The following FOXL1 variants were observed in gnomAD, a reference collection of about 807,000 sequenced individuals.
The protein encoded by FOXL1 is forkhead box L1, also known as forkhead box protein L1.
Under a neutral mutation model 1.7 loss-of-function variants are expected in FOXL1, and 2 were observed. That is an observed-to-expected ratio of 1.21 (90% CI 0.49 to 3.80). The LOEUF (loss-of-function observed/expected upper bound fraction) is 3.80, where lower values mean the gene tolerates loss of function less well. FOXL1 is among the 30% of genes most tolerant of loss of function. FOXL1 has a pLI of 0.07. For synonymous variants in FOXL1, 280 were observed against 229.3 expected, an observed-to-expected ratio of 1.22 and a Z score of -2.00; for missense variants, 565 against 495.8, an observed-to-expected ratio of 1.14 and a Z score of -1.32.
chr16:86,578,922 G>A lies in FOXL1; in HGVS notation c.199G>A (p.Glu67Lys), dbSNP rs754730388. Residue 67 changes from glutamate (E) to lysine (K), a missense_variant, in exon 1 of 1, where the codon GAG becomes AAG. Coordinates refer to ENST00000320241, the MANE Select transcript of FOXL1 (RefSeq NM_005250.3). ...CGCCATGGCGATCCAGGACGCGCCCGAGCAGAGGGTCACGCTCAACGGCAT... is the reference window on the plus strand; with the variant it reads ...CGCCATGGCGATCCAGGACGCGCCCAAGCAGAGGGTCACGCTCAACGGCAT... The part of the protein sequence containing the change: ...LIAMAIQDAP[E>K]QRVTLNGIYQ... 1.2e-6 allele frequency: 2 copies of A among 1,614,178 alleles called. No individual in the cohort carries two copies. The highest frequency in any genetic ancestry group is 1.7e-6 in the Non-Finnish European group (2 of 1,180,002).
At position 86,578,873 on chromosome 16, in the gene FOXL1, T is replaced by A. The variant is rs1350765267; in HGVS notation, c.150T>A (p.Pro50=). The part of the protein sequence containing the change: ...ASGRAETPQK[P]PYSYIALIAM... ...GCCGGGCCGAGACCCCGCAGAAGCC[T>A]CCCTACAGCTACATCGCGCTCATCG... The change falls in exon 1 of 1, where the codon CCT becomes CCA. Residue 50 remains proline (P), a synonymous_variant. Coordinates refer to ENST00000320241, the MANE Select transcript of FOXL1 (RefSeq NM_005250.3). 2 of 1,613,832 alleles carry A rather than the reference T, an allele frequency of 1.2e-6. No individual in the cohort carries two copies. The highest frequency in any genetic ancestry group is 2.2e-5 in the East Asian group (1 of 44,870).
At position 86,578,745 on chromosome 16, in the gene FOXL1, C is replaced by CGGCT. The variant is rs1974370494; in HGVS notation, c.24_27dup (p.Pro10AlafsTer126). On this transcript the variant is annotated frameshift_variant, in exon 1 of 1. Coordinates refer to ENST00000320241, the MANE Select transcript of FOXL1 (RefSeq NM_005250.3). LOFTEE classifies it low-confidence loss of function (END_TRUNC). ...TGCCATGAGTCACCTCTTCGATCCC[C>CGGCT]GGCTGCCTGCCCTGGCCGCCTCGCC... 1 of 1,605,968 alleles carries CGGCT rather than the reference C, an allele frequency of 6.2e-7. No homozygotes were observed. Among genetic ancestry groups the CGGCT allele is most frequent in the Admixed American group, 1.7e-5 (1 of 59,832 alleles).
rs750770411 is a variant in FOXL1, at chr16:86,583,453, A to C, written c.*3692A>C. On this transcript the variant is annotated 3_prime_UTR_variant, in exon 1 of 1. Transcript: ENST00000320241. ...TAAAAAGCAAAGTTTGTCCATTAAA[A>C]ATAAAAAGCGTGAGTTTGTGGAAAA... 7.9e-5 allele frequency among the ~76,000 whole-genome samples: 12 copies of C among 152,256 alleles called. No individual in the cohort carries two copies. Among genetic ancestry groups the C allele is most frequent in the Non-Finnish European group, 1.6e-4 (11 of 68,040 alleles).
chr16:86,583,153 T>C lies in FOXL1; in HGVS notation c.*3392T>C, dbSNP rs1208378845. Among the ~76,000 whole-genome samples the C allele has an allele frequency of 1.3e-5, 2 of 151,816 alleles. No homozygotes were observed. Among genetic ancestry groups the C allele is most frequent in the Non-Finnish European group, 2.9e-5 (2 of 67,994 alleles). On this transcript the variant is annotated 3_prime_UTR_variant, in exon 1 of 1. Coordinates refer to ENST00000320241, the MANE Select transcript of FOXL1 (RefSeq NM_005250.3). ...CCCGTTTGAATGGTGGTCTTCACCA[T>C]TTCACTCAAAGTGGTGAGTGTATGC...
At position 86,580,112 on chromosome 16, in the gene FOXL1, G is replaced by A. The variant is rs1037385357; in HGVS notation, c.*351G>A. On this transcript the variant is annotated 3_prime_UTR_variant, in exon 1 of 1. Transcript: ENST00000320241. Reference sequence around the variant, plus strand: ...CCACCGCAGGTCCTGCGAGTCCCGGGCATGCAAGGGCCCGCAGACCACCCA... The same window carrying A: ...CCACCGCAGGTCCTGCGAGTCCCGGACATGCAAGGGCCCGCAGACCACCCA... 1.0e-4 allele frequency: 28 copies of A among 269,296 alleles called. No homozygotes were observed. Among genetic ancestry groups the A allele is most frequent in the African/African-American group, 5.9e-4 (27 of 46,152 alleles). 16.7% of individuals were successfully genotyped at this position (269,296 alleles called of 1,614,324 possible).
rs56324750 is a variant in FOXL1, at chr16:86,579,818, G to A, written c.*57G>A. On this transcript the variant is annotated 3_prime_UTR_variant, in exon 1 of 1. Coordinates refer to ENST00000320241, the MANE Select transcript of FOXL1 (RefSeq NM_005250.3). ...CAGCCTGAGCCTCCGCTGAGCGAAA[G>A]GCCACAGCTCCCACCGGCGGAGGAT... 2.7e-6 allele frequency: 4 copies of A among 1,468,380 alleles called. No individual in the cohort carries two copies. Among genetic ancestry groups the A allele is most frequent in the Non-Finnish European group, 2.8e-6 (3 of 1,058,306 alleles). 91.0% of individuals were successfully genotyped at this position (1,468,380 alleles called of 1,614,324 possible). A position where few individuals can be genotyped will look rare whatever the true frequency, so the allele number is the denominator to read the frequency against.
At position 86,579,974 on chromosome 16, in the gene FOXL1, A is replaced by C. The variant is rs755702199; in HGVS notation, c.*213A>C. ...CCAGCAACTGGGAGCAGCTACGGAG[A>C]CTTAAAAGATCCCCGCGGGGTCGTG... On this transcript the variant is annotated 3_prime_UTR_variant, in exon 1 of 1. Transcript: ENST00000320241. 36 of 608,736 alleles carry C rather than the reference A, an allele frequency of 5.9e-5. No homozygotes were observed. The highest frequency in any genetic ancestry group is 8.9e-5 in the Non-Finnish European group (30 of 335,550). 37.7% of individuals were successfully genotyped at this position (608,736 alleles called of 1,614,324 possible).
Position 86,582,940 on chromosome 16 carries a change from A to G in FOXL1, c.*3179A>G, listed in dbSNP as rs1440210797. The stretch of plus-strand genomic sequence containing the variant: ...AGATTTTATTTAAACATCGCGGAAG[A>G]CACCCGCTTTGAGAACTTTTCCCTC... On this transcript the variant is annotated 3_prime_UTR_variant, in exon 1 of 1. Coordinates refer to ENST00000320241, the MANE Select transcript of FOXL1 (RefSeq NM_005250.3). 5.3e-5 allele frequency among the ~76,000 whole-genome samples: 8 copies of G among 151,158 alleles called. No homozygotes were observed. In the East Asian group the frequency reaches 1.4e-3, roughly 26 times the overall value.
rs749442906 is a variant in FOXL1 at position 86,579,530 on chromosome 16, A to G, written c.807A>G (p.Gly269=). The G allele has an allele frequency of 1.9e-6, 3 of 1,608,134 alleles. No homozygotes were observed. The highest frequency in any genetic ancestry group is 2.5e-6 in the Non-Finnish European group (3 of 1,177,632). Residue 269 remains glycine (G), a synonymous_variant, in exon 1 of 1, where the codon GGA becomes GGG. Coordinates refer to ENST00000320241, the MANE Select transcript of FOXL1 (RefSeq NM_005250.3). ...TCAGCATAGACAGCATCCTGGCGGG[A>G]AAGCAGGGCCAGAAGCCGCCTTCAG... ...KSFSIDSILA[G]KQGQKPPSGD...
In FOXL1 at chr16:86,578,662, C is replaced by A. The variant is rs1210369607; in HGVS notation, c.-62C>A. 1 of 1,461,474 alleles carries A rather than the reference C, an allele frequency of 6.8e-7. No individual in the cohort carries two copies. The highest frequency in any genetic ancestry group is 1.4e-5 in the African/African-American group (1 of 70,900). The allele number at this position is 1,461,474 out of a possible 1,614,324, so 90.5% of individuals were successfully genotyped here. A position where few individuals can be genotyped will look rare whatever the true frequency, so the allele number is the denominator to read the frequency against. ...GGGAGGGCCCTTGCGGCGCGGGGCG[C>A]AGTGCCTAGGCCGCCCGGGTCTCCT... On this transcript the variant is annotated 5_prime_UTR_variant, in exon 1 of 1. Coordinates refer to ENST00000320241, the MANE Select transcript of FOXL1 (RefSeq NM_005250.3).
Position 86,579,934 on chromosome 16 carries a change from C to T in FOXL1, c.*173C>T. 3.0e-6 allele frequency: 2 copies of T among 661,414 alleles called. No homozygotes were observed. Among genetic ancestry groups the T allele is most frequent in the South Asian group, 2.0e-5 (1 of 49,894 alleles). 41.0% of individuals were successfully genotyped at this position (661,414 alleles called of 1,614,324 possible). A position where few individuals can be genotyped will look rare whatever the true frequency, so the allele number is the denominator to read the frequency against. On this transcript the variant is annotated 3_prime_UTR_variant, in exon 1 of 1. Coordinates refer to ENST00000320241, the MANE Select transcript of FOXL1 (RefSeq NM_005250.3). ...GGTGGGCGCGCTCGCCTGCCTTCTC[C>T]GAAGCAAACTTTTCCCAGCAACTGG...
Position 86,580,041 on chromosome 16 carries a change from A to G in FOXL1, c.*280A>G. ...CCTGCAGGGACCTCCACCGCGGGAG[A>G]TTCCTTGACGTTTGACCTGTCTAAT... On this transcript the variant is annotated 3_prime_UTR_variant, in exon 1 of 1. Coordinates refer to ENST00000320241, the MANE Select transcript of FOXL1 (RefSeq NM_005250.3). The G allele has an allele frequency of 2.0e-6, 1 of 511,158 alleles. No individual in the cohort carries two copies. Among genetic ancestry groups the G allele is most frequent in the African/African-American group, 1.9e-5 (1 of 52,160 alleles). 31.7% of individuals were successfully genotyped at this position (511,158 alleles called of 1,614,324 possible).
chr16:86,583,386 C>T lies in FOXL1; in HGVS notation c.*3625C>T, dbSNP rs1597407715. On this transcript the variant is annotated 3_prime_UTR_variant, in exon 1 of 1. Transcript: ENST00000320241. ...TTCATGGTGGATGGAGTCTTGTTTC[C>T]ATGAAATAAAGGTTGTTTCATAGAA... Among the ~76,000 whole-genome samples the T allele has an allele frequency of 6.6e-6, 1 of 151,916 alleles. No individual in the cohort carries two copies. The highest frequency in any genetic ancestry group is 6.6e-5 in the Admixed American group (1 of 15,254).
Position 86,582,619 on chromosome 16 carries a change from G to C in FOXL1, c.*2858G>C, listed in dbSNP as rs1353799540. Among the ~76,000 whole-genome samples the C allele has an allele frequency of 6.6e-6, 1 of 151,838 alleles. No individual in the cohort carries two copies. Among genetic ancestry groups the C allele is most frequent in the East Asian group, 1.9e-4 (1 of 5,186 alleles). On this transcript the variant is annotated 3_prime_UTR_variant, in exon 1 of 1. Transcript: ENST00000320241. ...ACAAAGTGTGTATACATATGTACAC[G>C]TTTATATATATGTATATACATATAT...
rs1390033227 is a variant in FOXL1 at position 86,582,788 on chromosome 16, ATT to A, written c.*3030_*3031del. Among the ~76,000 whole-genome samples the A allele has an allele frequency of 2.0e-5, 3 of 151,990 alleles. No homozygotes were observed. On this transcript the variant is annotated 3_prime_UTR_variant, in exon 1 of 1. Coordinates refer to ENST00000320241, the MANE Select transcript of FOXL1 (RefSeq NM_005250.3). ...CCCAAGTATTGATACTATTTGAAAG[ATT>A]TTGTTTTTCTATATAGTTTTTAAAA...
rs999726731 is a variant in FOXL1, at chr16:86,582,558, G to C, written c.*2797G>C. 1.3e-5 allele frequency among the ~76,000 whole-genome samples: 2 copies of C among 151,986 alleles called. No individual in the cohort carries two copies. Among genetic ancestry groups the C allele is most frequent in the African/African-American group, 4.8e-5 (2 of 41,364 alleles). On this transcript the variant is annotated 3_prime_UTR_variant, in exon 1 of 1. Coordinates refer to ENST00000320241, the MANE Select transcript of FOXL1 (RefSeq NM_005250.3). Reference sequence around the variant, plus strand: ...ATACCCACACACATATGAGTGCACTGATCATAATGAGGATATGGCAGGCAC... The same window carrying C: ...ATACCCACACACATATGAGTGCACTCATCATAATGAGGATATGGCAGGCAC...
chr16:86,580,857 G>A lies in FOXL1; in HGVS notation c.*1096G>A, dbSNP rs891662460. 1.8e-5 allele frequency: 3 copies of A among 166,900 alleles called. No homozygotes were observed. The highest frequency in any genetic ancestry group is 7.3e-5 in the African/African-American group (3 of 41,376). 10.3% of individuals were successfully genotyped at this position (166,900 alleles called of 1,614,324 possible). A position where few individuals can be genotyped will look rare whatever the true frequency, so the allele number is the denominator to read the frequency against. ...CCAAAAGCAGATGCAGAGAGAGAGA[G>A]GGATGAATGCGGGGGAAGAATAAGG... On this transcript the variant is annotated 3_prime_UTR_variant, in exon 1 of 1. Transcript: ENST00000320241.
At position 86,583,130 on chromosome 16, in the gene FOXL1, C is replaced by T. The variant is rs1436384859; in HGVS notation, c.*3369C>T. 1.3e-5 allele frequency among the ~76,000 whole-genome samples: 2 copies of T among 151,210 alleles called. No individual in the cohort carries two copies. Among genetic ancestry groups the T allele is most frequent in the Non-Finnish European group, 2.9e-5 (2 of 67,900 alleles). Reference sequence around the variant, plus strand: ...AGCCATTTTCAGATTTAATTGTGCCCGTTTGAATGGTGGTCTTCACCATTT... The same window carrying T: ...AGCCATTTTCAGATTTAATTGTGCCTGTTTGAATGGTGGTCTTCACCATTT... On this transcript the variant is annotated 3_prime_UTR_variant, in exon 1 of 1. Transcript: ENST00000320241.
rs1430449852 is a variant in FOXL1 at position 86,583,304 on chromosome 16, G to A, written c.*3543G>A. Among the ~76,000 whole-genome samples, 1 of 151,922 alleles carries A rather than the reference G, an allele frequency of 6.6e-6. No homozygotes were observed. The highest frequency in any genetic ancestry group is 6.6e-5 in the Admixed American group (1 of 15,252). ...AGGTAGGTGACGTTTCCAGTAACCAGCTGCACCCAGGAGTGAGAAAATAAG... is the reference window on the plus strand; with the variant it reads ...AGGTAGGTGACGTTTCCAGTAACCAACTGCACCCAGGAGTGAGAAAATAAG... On this transcript the variant is annotated 3_prime_UTR_variant, in exon 1 of 1. Coordinates refer to ENST00000320241, the MANE Select transcript of FOXL1 (RefSeq NM_005250.3).
Sources: gnomAD v4.1 joint callset for allele counts (sites outside exome capture counted in the v4.1 genomes callset) on GRCh38, gnomAD v4.1.1 for gene constraint, MANE v1.5 for transcripts, NCBI Gene and HGNC (gene_info 2026-07-23, HGNC 2026-07-21) for gene names.